Variants in CDK12 observed in about 807,000 individuals in gnomAD.
The protein encoded by CDK12 is cyclin dependent kinase 12, also known as cyclin-dependent kinase 12.
Under a neutral mutation model 133.8 loss-of-function variants are expected in CDK12, and 17 were observed. The ratio of observed to expected loss-of-function variants is 0.13; its 90% CI spans 0.09 to 0.19. CDK12 has a LOEUF of 0.19. Ranked by LOEUF, CDK12 falls within the 10% of genes least tolerant of loss-of-function variation. The pLI is 1.00. For synonymous variants in CDK12, 694 were observed against 683.6 expected, an observed-to-expected ratio of 1.02 and a Z score of -0.24; for missense variants, 1,508 against 1,818.7, an observed-to-expected ratio of 0.83 and a Z score of 3.11.
chr17:39,528,842 C>A (rs890145989), intron 13 of CDK12, among the ~76,000 whole-genome samples: 1 of 152,120 alleles, frequency 6.6e-6, no homozygotes, highest in Non-Finnish European at 1.5e-5. Context: ...ATTAAAAATC[C>A]TCGTGTTCCA....
intron 11 of CDK12, 149 bp from the exon 12 acceptor site, chr17:39,524,525 C>T (rs1034151146): frequency 1.5e-6 from 1 of 647,610 alleles, no homozygotes; most frequent in African/African-American, 1.8e-5. Flanking sequence ...CTGCTGTTAC[C>T]TACTTTTACT....
intron 7 of CDK12, among the ~76,000 whole-genome samples, chr17:39,510,895 G>A (rs1456126415): frequency 6.9e-6 from 1 of 144,382 alleles, no homozygotes; most frequent in Non-Finnish European, 1.5e-5. Context: ...TTACGGGCGT[G>A]AGCCACCGTG....
chr17:39,492,000 G>C (rs1314830932), intron 3 of CDK12, among the ~76,000 whole-genome samples: 1 of 143,792 alleles, frequency 7.0e-6, no homozygotes, highest in East Asian at 2.0e-4. Flanking sequence ...GGTGGCGCCT[G>C]CCTGTAGAGT....
In CDK12 at chr17:39,490,617, C is replaced by A. The variant is rs1399439215; in HGVS notation, c.1992C>A (p.His664Gln). The A allele has an allele frequency of 6.2e-7, 1 of 1,613,726 alleles. No homozygotes were observed. The highest frequency in any genetic ancestry group is 1.1e-5 in the South Asian group (1 of 91,058). ...VKKEKEQRTR[H>Q]LLTDLPLPPE... is the part of the protein sequence containing the mutation. ...AAGAGAAGGAACAGAGGACACGTCA[C>A]TTACTCACAGACCTTCCTCTCCCTC... Residue 664 changes from histidine to glutamine, a missense_variant, in exon 3 of 14, where the codon CAC (histidine) becomes CAA (glutamine). By Grantham distance (24) the His-to-Gln change is conservative (BLOSUM62 0). This residue lies in a region of CDK12 where 347 missense variants were observed against 330.8 expected (regional missense o/e 1.05). Coordinates refer to ENST00000447079, the MANE Select transcript of CDK12 (RefSeq NM_016507.4).
At chr17:39,482,909 ATT>A (rs56026321) in intron 2 of CDK12, among the ~76,000 whole-genome samples, 10 of 138,942 alleles carry the variant, frequency 7.2e-5, no homozygotes, top group East Asian at 2.1e-4. Flanking sequence ...CCTCAACTAA[ATT>A]TTTTTTTTTT....
At chr17:39,480,383 C>T (rs528196703) in intron 2 of CDK12, among the ~76,000 whole-genome samples, 1 of 151,666 alleles carries the variant, frequency 6.6e-6, no homozygotes, top group Non-Finnish European at 1.5e-5. Flanking sequence ...GATTCTCCTG[C>T]GTCACCCTCC....
chr17:39,494,080 A>G (rs1162925735), intron 4 of CDK12, among the ~76,000 whole-genome samples: 1 of 152,208 alleles, frequency 6.6e-6, no homozygotes, highest in African/African-American at 2.4e-5. Flanking sequence ...TTTATTGAGA[A>G]GGAGTCTCAC....
intron 5 of CDK12, among the ~76,000 whole-genome samples, chr17:39,499,757 T>G (rs1279454719): frequency 6.8e-6 from 1 of 147,072 alleles, no homozygotes; most frequent in Non-Finnish European, 1.5e-5. Context: ...CAGGCAATCC[T>G]TCTGCCTTGG....
At chr17:39,488,009 C>T (rs2051278086) in intron 2 of CDK12, among the ~76,000 whole-genome samples, 1 of 152,066 alleles carries the variant, frequency 6.6e-6, no homozygotes, top group Non-Finnish European at 1.5e-5. Flanking sequence ...GCAAGAGCAT[C>T]ACTTGGGGAG....
chr17:39,462,643 A>G lies in CDK12; in HGVS notation c.572A>G (p.Lys191Arg). The G allele has an allele frequency of 6.2e-7, 1 of 1,614,154 alleles. No homozygotes were observed. The highest frequency in any genetic ancestry group is 1.1e-5 in the South Asian group (1 of 91,088). ...KEKTRKEREL[K>R]SGHKDRSKSH... is the part of the protein sequence containing the mutation. ...AAGACCAGGAAAGAACGGGAGCTGA[A>G]GTCTGGGCACAAAGACCGGAGTAAA... is the stretch of plus-strand genomic sequence containing the variant. Residue 191 changes from lysine (K) to arginine (R), a missense_variant, in exon 1 of 14, where the codon AAG (lysine) becomes AGG (arginine). Lys to Arg is a conservative substitution (Grantham distance 26). This residue lies in a region of CDK12 where 460 missense variants were observed against 490.8 expected (regional missense o/e 0.94). Transcript: ENST00000447079.
Position 39,490,663 on chromosome 17 carries a change from C to G in CDK12, c.2038C>G (p.Leu680Val), listed in dbSNP as rs200209988. ...PLPPELPGGD[L>V]SPPDSPEPKA... The stretch of plus-strand genomic sequence containing the variant: ...CCCTCCAGAGCTCCCTGGTGGAGAT[C>G]TGTCTCCCCCAGACTCTCCAGAACC... Residue 680 changes from leucine to valine, a missense_variant, in exon 3 of 14, where the codon CTG becomes GTG. Leu to Val is a conservative substitution (Grantham distance 32, BLOSUM62 1). This residue lies in a region of CDK12 where 347 missense variants were observed against 330.8 expected (regional missense o/e 1.05). Coordinates refer to ENST00000447079, the MANE Select transcript of CDK12 (RefSeq NM_016507.4). The G allele has an allele frequency of 4.3e-6, 7 of 1,612,950 alleles. No individual in the cohort carries two copies. The East Asian group carries it at 8.9e-5, about 21-fold the overall frequency.
rs138056604 is a variant in CDK12, at chr17:39,555,169, C to T, written n.357-1117C>T. Among the ~76,000 whole-genome samples the T allele has an allele frequency of 2.9e-3, 434 of 152,030 alleles. 2 individuals are homozygous for T. The Middle Eastern group carries it at 0.062, about 22-fold the overall frequency. On this transcript the variant is annotated intron_variant and non_coding_transcript_variant, in intron 2 of 3. Transcript: ENST00000558240. The stretch of plus-strand genomic sequence containing the variant: ...CTGAGGCAGGGGAATCACTTGAACC[C>T]GGGAGGCAGAGGTTGCAGTGAGCCG...
upstream of CDK12, among the ~76,000 whole-genome samples, chr17:39,544,600 C>T (rs1243959991): frequency 6.8e-6 from 1 of 146,166 alleles, no homozygotes; most frequent in African/African-American, 2.5e-5. Flanking sequence ...GCCTCAGCCT[C>T]TTGAGTAGCT....
At position 39,494,062 on chromosome 17, in the gene CDK12, T is replaced by G. The variant is rs192809169; in HGVS notation, c.2249-462T>G. 4.3e-4 allele frequency among the ~76,000 whole-genome samples: 65 copies of G among 152,220 alleles called. No homozygotes were observed. In the East Asian group the frequency reaches 7.5e-3, roughly 18 times the overall value. The stretch of plus-strand genomic sequence containing the variant: ...GGAAAGGGAATATAAAATTTCCTTT[T>G]TTGTTTTTTTATTGAGAAGGAGTCT... On this transcript the variant is annotated intron_variant, in intron 4 of 13. Coordinates refer to ENST00000447079, the MANE Select transcript of CDK12 (RefSeq NM_016507.4).
At chr17:39,468,417 T>C (rs2049516036) in intron 1 of CDK12, among the ~76,000 whole-genome samples, 1 of 152,174 alleles carries the variant, frequency 6.6e-6, no homozygotes, top group African/African-American at 2.4e-5. Context: ...GGAAGCAATT[T>C]GTTTTAGACT....
chr17:39,548,869 G>A (rs2055835365), upstream of CDK12: 1 of 152,436 alleles, frequency 6.6e-6, no homozygotes, highest in Non-Finnish European at 1.5e-5. Context: ...TAAGGGACAT[G>A]ACAGAGGTTC....
At chr17:39,494,177 A>G (rs1479575002) in intron 4 of CDK12, among the ~76,000 whole-genome samples, 1 of 152,012 alleles carries the variant, frequency 6.6e-6, no homozygotes, top group Non-Finnish European at 1.5e-5. Flanking sequence ...GGGTTCAAGC[A>G]ATTCTCCTGT....
chr17:39,532,841 A>G lies in CDK12; in HGVS notation c.*1525A>G, dbSNP rs2054942485. On this transcript the variant is annotated 3_prime_UTR_variant, in exon 14 of 14. Coordinates refer to ENST00000447079, the MANE Select transcript of CDK12 (RefSeq NM_016507.4). ...TGGGAGGCTTCTCATTCTGGCTTCTATTTCTATGTGAGTACCAGCATATAG... is the reference window on the plus strand; with the variant it reads ...TGGGAGGCTTCTCATTCTGGCTTCTGTTTCTATGTGAGTACCAGCATATAG... The G allele has an allele frequency of 8.6e-6, 2 of 232,840 alleles. No homozygotes were observed. The highest frequency in any genetic ancestry group is 6.0e-5 in the East Asian group (1 of 16,620). 14.4% of individuals were successfully genotyped at this position (232,840 alleles called of 1,614,324 possible).
chr17:39,518,560 A>G (rs887312116), intron 10 of CDK12, among the ~76,000 whole-genome samples: 19 of 151,962 alleles, frequency 1.3e-4, no homozygotes, highest in African/African-American at 4.6e-4. Context: ...TTTTAACTTT[A>G]ATAGATGGAT....
Sources: gnomAD v4.1 joint callset for allele counts (sites outside exome capture counted in the v4.1 genomes callset) on GRCh38, gnomAD v4.1.1 for gene constraint, gnomAD v4.1.1 regional missense constraint, MANE v1.5 for transcripts, NCBI Gene and HGNC (gene_info 2026-07-23, HGNC 2026-07-21) for gene names.